DRC3: variants seen among roughly 807,000 people sequenced by gnomAD.
DRC3 encodes the protein leucine rich repeat containing 48.
DRC3 carries 45 observed loss-of-function variants against 57.6 expected under a neutral mutation model. The observed-to-expected ratio is 0.78, with a 90% CI of 0.62 to 1.00. The LOEUF is 1.00. DRC3 is among the 50% of genes least tolerant of loss of function. DRC3 has a pLI of 0.00. For missense variants in DRC3, 655 were observed against 675.2 expected (o/e 0.97, Z 0.33); for synonymous variants, 257 against 272.3 (o/e 0.94, Z 0.55).
At chr17:18,007,958 C>A in intron 12 of DRC3, 2 of 570,256 alleles carry the variant, frequency 3.5e-6, no homozygotes, top group Non-Finnish European at 4.4e-6. Flanking sequence ...CCAGAGGGAC[C>A]CTTGAAAACC....
At chr17:18,002,323 G>A (rs994583427) in intron 9 of DRC3, among the ~76,000 whole-genome samples, 3 of 152,166 alleles carry the variant, frequency 2.0e-5, no homozygotes, top group Admixed American at 6.5e-5. Flanking sequence ...TATGTCATTC[G>A]CCCCCTTCAA....
intron 2 of DRC3, among the ~76,000 whole-genome samples, chr17:17,974,440 C>G (rs1297508355): frequency 1.3e-5 from 2 of 152,154 alleles, no homozygotes; most frequent in African/African-American, 2.4e-5. Flanking sequence ...GGCACGATCT[C>G]GGCTCACCGC....
chr17:18,012,514 T>A, intron 12 of DRC3, among the ~76,000 whole-genome samples: 1 of 152,106 alleles, frequency 6.6e-6, no homozygotes, highest in Non-Finnish European at 1.5e-5. Context: ...GACCCACCTC[T>A]CTATAAAAAA....
At chr17:17,977,365 G>A (rs1010830225) in intron 2 of DRC3, 7 of 548,444 alleles carry the variant, frequency 1.3e-5, no homozygotes, top group Admixed American at 3.2e-5. Context: ...GTCAAGGGAT[G>A]AAACCCTGTG....
rs753178390 is a variant in DRC3, at chr17:17,977,555, G to T, written c.-17-27G>T. On this transcript the variant is annotated intron_variant, in intron 2 of 13. Coordinates refer to ENST00000399187, the MANE Select transcript of DRC3 (RefSeq NM_031294.4). ...CCTCAAACAGAGAAAGAAGCAGGCC[G>T]TGAAGGAAGAATGCGGTGTTTTTTA... 2.5e-6 allele frequency: 4 copies of T among 1,613,240 alleles called. No homozygotes were observed. In the South Asian group the frequency reaches 3.3e-5, roughly 13 times the overall value.
In DRC3 at chr17:18,006,941, A is replaced by C. The variant is rs971056147; in HGVS notation, c.1203-83A>C. ...ATTTCCGAGCTCGCCTTGGGCCCTT[A>C]AAGTCTGTCTCCCGCCGTCTGAGAG... On this transcript the variant is annotated intron_variant, in intron 11 of 13. Transcript: ENST00000399187. The C allele has an allele frequency of 6.4e-6, 10 of 1,571,412 alleles. No homozygotes were observed. In the African/African-American group the frequency reaches 1.2e-4, roughly 19 times the overall value.
At chr17:17,976,110 A>G (rs2042374490) in intron 2 of DRC3, among the ~76,000 whole-genome samples, 1 of 152,202 alleles carries the variant, frequency 6.6e-6, no homozygotes, top group Non-Finnish European at 1.5e-5. Flanking sequence ...AGGGACCAGC[A>G]GGGCAGAAGG....
chr17:17,980,316 C>G (rs1025075621), intron 3 of DRC3, among the ~76,000 whole-genome samples: 1 of 150,622 alleles, frequency 6.6e-6, no homozygotes, highest in Non-Finnish European at 1.5e-5. Flanking sequence ...GAGTCTCGCT[C>G]TGCCGCCCAG....
At chr17:17,986,721 C>T (rs932266807) in intron 4 of DRC3, among the ~76,000 whole-genome samples, 9 of 152,054 alleles carry the variant, frequency 5.9e-5, no homozygotes, top group Admixed American at 2.0e-4. Context: ...GCCTCGGCCT[C>T]CCAGAGTGCT....
chr17:17,983,882 T>C lies in DRC3; in HGVS notation c.215T>C (p.Leu72Pro). 6.2e-7 allele frequency: 1 copy of C among 1,613,692 alleles called. No individual in the cohort carries two copies. Among genetic ancestry groups the C allele is most frequent in the South Asian group, 1.1e-5 (1 of 91,070 alleles). Reference protein sequence around the residue: ...WQFENLRKLQLDNNIIEKIEG... With the variant: ...WQFENLRKLQPDNNIIEKIEG... The stretch of plus-strand genomic sequence containing the variant: ...TTTGAGAACTTGAGGAAGCTGCAGC[T>C]GGACAATAACATCATTGAGAAGATC... The change falls in exon 4 of 14, where the codon CTG becomes CCG. Residue 72 changes from leucine (L) to proline (P), a missense_variant. Coordinates refer to ENST00000399187, the MANE Select transcript of DRC3 (RefSeq NM_031294.4).
At chr17:17,993,113 C>A in intron 6 of DRC3, 1 of 575,462 alleles carries the variant, frequency 1.7e-6, no homozygotes, top group Non-Finnish European at 3.0e-6. Context: ...TGTGTGCGTT[C>A]CCAGGGGCCA....
chr17:18,002,551 GT>G (rs1392164496), intron 9 of DRC3, among the ~76,000 whole-genome samples: 3 of 152,170 alleles, frequency 2.0e-5, no homozygotes, highest in Non-Finnish European at 4.4e-5. Context: ...GCTCACTGGG[GT>G]TCTGTGTGGG....
intron 6 of DRC3, chr17:17,993,571 A>G (rs1345285058): frequency 6.6e-6 from 1 of 152,552 alleles, no homozygotes; most frequent in Non-Finnish European, 1.5e-5. Flanking sequence ...GATTCACCCT[A>G]AGTTGGTGTC....
chr17:17,983,391 CA>C (rs2145244040), intron 3 of DRC3, among the ~76,000 whole-genome samples: 1 of 152,276 alleles, frequency 6.6e-6, no homozygotes, highest in Non-Finnish European at 1.5e-5. Flanking sequence ...CTGAATGAGG[CA>C]ATCAACCCTC....
intron 3 of DRC3, among the ~76,000 whole-genome samples, chr17:17,980,403 T>G (rs921619783): frequency 6.6e-6 from 1 of 151,800 alleles, no homozygotes; most frequent in African/African-American, 2.4e-5. Flanking sequence ...CAAGCAATTC[T>G]CCTGCCTCAG....
At chr17:18,007,663 T>C in intron 12 of DRC3, 1 of 1,358,292 alleles carries the variant, frequency 7.4e-7, no homozygotes, top group Admixed American at 3.1e-5. Flanking sequence ...GTCTGCACGC[T>C]AAGAAGGCTC....
At position 17,995,518 on chromosome 17, in the gene DRC3, A is replaced by G. The variant is rs768792328; in HGVS notation, c.824+407A>G. 7 of 181,092 alleles carry G rather than the reference A, an allele frequency of 3.9e-5. No individual in the cohort carries two copies. In the South Asian group the frequency reaches 7.0e-4, roughly 18 times the overall value. 11.2% of individuals were successfully genotyped at this position (181,092 alleles called of 1,614,324 possible). On this transcript the variant is annotated intron_variant, in intron 8 of 13. Coordinates refer to ENST00000399187, the MANE Select transcript of DRC3 (RefSeq NM_031294.4). The stretch of plus-strand genomic sequence containing the variant: ...ATTAACCCCATTTTATAGTTGGGGA[A>G]ACATAGCTTGGCTGTCCAGGGTCAC...
rs1301945870 is a variant in DRC3 at position 18,004,405 on chromosome 17, GAGA to G, written c.1046_1048del (p.Lys349del). The G allele has an allele frequency of 1.2e-6, 2 of 1,608,252 alleles. No individual in the cohort carries two copies. The highest frequency in any genetic ancestry group is 1.7e-5 in the Admixed American group (1 of 59,178). On this transcript the variant is annotated inframe_deletion, in exon 10 of 14. Coordinates refer to ENST00000399187, the MANE Select transcript of DRC3 (RefSeq NM_031294.4). ...AGAGGAGTTGGAACTGCCCAACATT[GAGA>G]AGATGATCCTAGAATGCAGTGCTGA...
At chr17:17,996,630 C>G (rs1050566884) in intron 8 of DRC3, among the ~76,000 whole-genome samples, 2 of 152,090 alleles carry the variant, frequency 1.3e-5, no homozygotes, top group Non-Finnish European at 2.9e-5. Flanking sequence ...ATCACCATCT[C>G]TAAAAAAAAC....
Sources: allele counts gnomAD v4.1 joint callset (sites outside exome capture counted in the v4.1 genomes callset), GRCh38; gene constraint gnomAD v4.1.1; transcripts MANE v1.5; gene names NCBI Gene and HGNC (gene_info 2026-07-23, HGNC 2026-07-21).